The following SNX3 variants were observed in gnomAD, a reference collection of about 807,000 sequenced individuals.
SNX3 encodes sorting nexin-3.
SNX3 carries 5 observed loss-of-function variants against 17.7 expected under a neutral mutation model. The ratio of observed to expected loss-of-function variants is 0.28; its 90% CI spans 0.15 to 0.59. SNX3 has a LOEUF of 0.59. SNX3 is among the 20% of genes least tolerant of loss of function. SNX3 has a pLI of 0.88. For synonymous variants in SNX3, 91 were observed against 76.5 expected (o/e 1.19, Z -0.99); for missense variants, 132 against 206.8 (o/e 0.64, Z 2.22).
rs1311293788 is a variant in SNX3, at chr6:108,221,950, CCTCA to C, written c.258+996_258+999del. ...TTTAAAAATTTTGGAAGAGATGGGG[CCTCA>C]CTATGTTCCCCAGGCTGGTCTTGAA... is the stretch of plus-strand genomic sequence containing the variant. On this transcript the variant is annotated intron_variant, in intron 2 of 3. Transcript: ENST00000230085. 6.6e-5 allele frequency among the ~76,000 whole-genome samples: 10 copies of C among 152,026 alleles called. No individual in the cohort carries two copies. In the East Asian group the frequency reaches 1.9e-3, roughly 29 times the overall value.
intron 2 of SNX3, among the ~76,000 whole-genome samples, chr6:108,218,203 T>C (rs527473145): frequency 2.0e-5 from 3 of 152,228 alleles, no homozygotes; most frequent in Non-Finnish European, 4.4e-5. Flanking sequence ...AATAAAAAGA[T>C]GAACCCATTG....
At chr6:108,232,766 T>G (rs759419935) in intron 1 of SNX3, among the ~76,000 whole-genome samples, 10 of 152,178 alleles carry the variant, frequency 6.6e-5, no homozygotes, top group Non-Finnish European at 1.5e-4. Flanking sequence ...TCTCCAAATA[T>G]CTACATCTAG....
At chr6:108,223,769 T>A (rs778798533) in intron 1 of SNX3, among the ~76,000 whole-genome samples, 1 of 152,202 alleles carries the variant, frequency 6.6e-6, no homozygotes, top group Non-Finnish European at 1.5e-5. Flanking sequence ...CCCAAAATGC[T>A]ACGCTTACAG....
intron 1 of SNX3, among the ~76,000 whole-genome samples, chr6:108,236,385 T>A (rs1343230619): frequency 0.026 from 3,576 of 139,590 alleles, 97 homozygotes; most frequent in African/African-American, 0.083. Flanking sequence ...ATTATTTTTT[T>A]TTTTTTTTTT....
intron 1 of SNX3, among the ~76,000 whole-genome samples, chr6:108,242,955 A>G (rs989280708): frequency 6.6e-6 from 1 of 151,786 alleles, no homozygotes; most frequent in Non-Finnish European, 1.5e-5. Flanking sequence ...ACCCCGACCA[A>G]CCTCCTTGAT....
intron 1 of SNX3, among the ~76,000 whole-genome samples, chr6:108,259,632 T>C (rs1724472391): frequency 1.3e-5 from 2 of 152,252 alleles, no homozygotes; most frequent in African/African-American, 4.8e-5. Context: ...TTAAAATCAA[T>C]GCTAACTACG....
At chr6:108,249,531 G>A (rs771463608) in intron 1 of SNX3, among the ~76,000 whole-genome samples, 7 of 152,156 alleles carry the variant, frequency 4.6e-5, no homozygotes, top group Non-Finnish European at 1.0e-4. Context: ...CTTCAGTGTT[G>A]GCACTGGTTT....
At chr6:108,219,844 C>G (rs1202972998) in intron 2 of SNX3, among the ~76,000 whole-genome samples, 1 of 152,138 alleles carries the variant, frequency 6.6e-6, no homozygotes, top group Non-Finnish European at 1.5e-5. Context: ...CACTGCATAA[C>G]AGTGTTTCCC....
At chr6:108,244,639 A>G (rs1775625675) in intron 1 of SNX3, among the ~76,000 whole-genome samples, 1 of 149,272 alleles carries the variant, frequency 6.7e-6, no homozygotes, top group African/African-American at 2.5e-5. Flanking sequence ...TAAGAATATA[A>G]GTAAGGAGTT....
In SNX3 at chr6:108,223,056, A is replaced by C. The variant is rs56090564; in HGVS notation, c.163-11T>G. 1.8e-5 allele frequency: 27 copies of C among 1,507,458 alleles called. No individual in the cohort carries two copies. The highest frequency in any genetic ancestry group is 2.5e-5 in the Non-Finnish European group (27 of 1,089,088). 93.4% of individuals were successfully genotyped at this position (1,507,458 alleles called of 1,614,324 possible). The stretch of plus-strand genomic sequence containing the variant: ...AATAGGAAGATTTGTCTGAAACAAA[A>C]AAAGTTAGTCCTAAATTGAAGCACA... On this transcript the variant is annotated splice_polypyrimidine_tract_variant and intron_variant, in intron 1 of 3. Transcript: ENST00000230085.
At chr6:108,260,507 G>A (rs1400730990) in intron 1 of SNX3, among the ~76,000 whole-genome samples, 3 of 152,186 alleles carry the variant, frequency 2.0e-5, no homozygotes, top group South Asian at 4.1e-4. Flanking sequence ...CTGCTGGAGG[G>A]GCAAGCGGCG....
intron 1 of SNX3, among the ~76,000 whole-genome samples, chr6:108,228,336 G>A (rs1306289903): frequency 6.6e-6 from 1 of 152,132 alleles, no homozygotes; most frequent in Non-Finnish European, 1.5e-5. Flanking sequence ...ATCATCTGAG[G>A]TCAGGAGTTC....
At chr6:108,260,668 G>T in intron 1 of SNX3, 92 bp downstream of exon 1, 1 of 1,466,342 alleles carries the variant, frequency 6.8e-7, no homozygotes, top group Non-Finnish European at 9.4e-7. Flanking sequence ...CTGGGAGGCT[G>T]TGGCTGCCCG....
intron 1 of SNX3, among the ~76,000 whole-genome samples, chr6:108,255,208 C>A (rs1179656629): frequency 6.6e-6 from 1 of 152,230 alleles, no homozygotes; most frequent in African/African-American, 2.4e-5. Context: ...TAATAGCATG[C>A]TTCTCCTTGA....
intron 1 of SNX3, among the ~76,000 whole-genome samples, chr6:108,232,600 G>A (rs1437975554): frequency 6.6e-6 from 1 of 152,080 alleles, no homozygotes; most frequent in Non-Finnish European, 1.5e-5. Context: ...ATGTTTACTA[G>A]GTGTTTCTAG....
intron 1 of SNX3, among the ~76,000 whole-genome samples, chr6:108,244,651 T>G (rs1164280472): frequency 7.2e-6 from 1 of 138,664 alleles, no homozygotes; most frequent in Non-Finnish European, 1.6e-5. Flanking sequence ...TAAGGAGTTT[T>G]TTTTTTTTTT....
chr6:108,260,897 G>A lies in SNX3; in HGVS notation c.25C>T (p.Arg9Trp). Reference sequence around the variant, plus strand: ...TTCTGCGGCTTGGTGATCAGCCGCCGGGTGTCAGCCACGGTCTCCGCCATT... The same window carrying A: ...TTCTGCGGCTTGGTGATCAGCCGCCAGGTGTCAGCCACGGTCTCCGCCATT... MAETVADTRRLITKPQNLN... is the reference protein window; with the variant it reads MAETVADTWRLITKPQNLN... The change falls in exon 1 of 4, where the codon CGG becomes TGG. Residue 9 changes from arginine (R) to tryptophan (W), a missense_variant. Arg to Trp is a moderately radical substitution (Grantham distance 101, BLOSUM62 -3). This residue lies in a region of SNX3 where 78 missense variants were observed against 88.8 expected (regional missense o/e 0.88). Transcript: ENST00000230085. 6 of 1,608,636 alleles carry A rather than the reference G, an allele frequency of 3.7e-6. No individual in the cohort carries two copies. The highest frequency in any genetic ancestry group is 5.1e-6 in the Non-Finnish European group (6 of 1,177,330).
chr6:108,240,919 G>A (rs1310926597), intron 1 of SNX3, among the ~76,000 whole-genome samples: 1 of 151,884 alleles, frequency 6.6e-6, no homozygotes, highest in Non-Finnish European at 1.5e-5. Flanking sequence ...GAGGCGGGTG[G>A]ATCACGAGGT....
intron 1 of SNX3, among the ~76,000 whole-genome samples, chr6:108,251,457 T>C (rs988654545): frequency 6.6e-6 from 1 of 152,178 alleles, no homozygotes; most frequent in Admixed American, 6.6e-5. Context: ...GCTTCTTTTG[T>C]AGCTAAGTAC....
Sources: allele counts gnomAD v4.1 joint callset (sites outside exome capture counted in the v4.1 genomes callset), GRCh38; gene constraint gnomAD v4.1.1; regional missense constraint gnomAD v4.1.1; transcripts MANE v1.5; gene names NCBI Gene and HGNC (gene_info 2026-07-23, HGNC 2026-07-21).